Variants in TBX5 observed in about 807,000 individuals in gnomAD.
TBX5 encodes the protein T-box transcription factor TBX5.
Under a neutral mutation model 51.1 loss-of-function variants are expected in TBX5, and 8 were observed. The ratio of observed to expected loss-of-function variants is 0.16; its 90% CI spans 0.09 to 0.28. The LOEUF (loss-of-function observed/expected upper bound fraction) is 0.28. Among genes scored for constraint, TBX5 ranks in the 10% least tolerant of loss-of-function variants. The pLI is 1.00. For synonymous variants in TBX5, 302 were observed against 266.4 expected (o/e 1.13, Z -1.30); for missense variants, 589 against 671.7 (o/e 0.88, Z 1.36).
At chr12:114,382,707 G>T (rs1870570814) in intron 7 of TBX5, among the ~76,000 whole-genome samples, 1 of 152,090 alleles carries the variant, frequency 6.6e-6, no homozygotes, top group Non-Finnish European at 1.5e-5. Flanking sequence ...TGAGGGAGGA[G>T]ACTCTCTTGA....
intron 7 of TBX5, 71 bp from the exon 8 acceptor site, chr12:114,366,462 GTGTGAGAGAATCCACCAGA>G (rs1163374641): frequency 6.7e-7 from 1 of 1,484,934 alleles, no homozygotes; most frequent in African/African-American, 1.4e-5. Flanking sequence ...GCTGAACCAG[GTGTGAGAGAATCCACCAGA>G]AAAGTCACAG....
At chr12:114,382,937 A>G (rs2136394535) in intron 7 of TBX5, among the ~76,000 whole-genome samples, 1 of 149,774 alleles carries the variant, frequency 6.7e-6, no homozygotes, top group East Asian at 2.0e-4. Context: ...AGATCGTGCC[A>G]CTGCACTCCA....
chr12:114,363,321 T>C (rs1417688668), intron 8 of TBX5, among the ~76,000 whole-genome samples: 22 of 152,252 alleles, frequency 1.4e-4, no homozygotes, highest in Non-Finnish European at 1.0e-4. Context: ...TTTAAGCTCA[T>C]CCAAGGATCC....
At chr12:114,368,579 C>T (rs769107726) in intron 7 of TBX5, among the ~76,000 whole-genome samples, 8 of 152,194 alleles carry the variant, frequency 5.3e-5, no homozygotes, top group Non-Finnish European at 1.2e-4. Flanking sequence ...GAAAGAGACA[C>T]AACTAGAATT....
chr12:114,399,637 G>C lies in TBX5; in HGVS notation c.243-5C>G. On this transcript the variant is annotated splice_polypyrimidine_tract_variant and splice_region_variant and intron_variant, in intron 3 of 8. Coordinates refer to ENST00000405440, the MANE Select transcript of TBX5 (RefSeq NM_181486.4). Reference sequence around the variant, plus strand: ...TTGTAACTGGGAAACATCCGCCTAAGAGAGAGGGACGGAGGGAGAGAGGGG... The same window carrying C: ...TTGTAACTGGGAAACATCCGCCTAACAGAGAGGGACGGAGGGAGAGAGGGG... The C allele has an allele frequency of 2.5e-6, 4 of 1,614,154 alleles. No individual in the cohort carries two copies. Among genetic ancestry groups the C allele is most frequent in the Non-Finnish European group, 3.4e-6 (4 of 1,180,038 alleles).
intron 8 of TBX5, among the ~76,000 whole-genome samples, chr12:114,360,310 T>C (rs987273453): frequency 1.4e-5 from 2 of 138,642 alleles, no homozygotes; most frequent in African/African-American, 5.4e-5. Flanking sequence ...CATGAAAAGG[T>C]AGCAAACCTT....
At chr12:114,382,117 C>A (rs1436950672) in intron 7 of TBX5, among the ~76,000 whole-genome samples, 1 of 152,178 alleles carries the variant, frequency 6.6e-6, no homozygotes, top group East Asian at 1.9e-4. Context: ...AGTTGTGTGA[C>A]CAGCCTGGGC....
At chr12:114,371,406 A>T (rs911303491) in intron 7 of TBX5, among the ~76,000 whole-genome samples, 1 of 151,978 alleles carries the variant, frequency 6.6e-6, no homozygotes, top group Non-Finnish European at 1.5e-5. Flanking sequence ...GAATGACGCC[A>T]TTGTCGCTGG....
intron 7 of TBX5, among the ~76,000 whole-genome samples, chr12:114,371,233 T>C (rs1230366871): frequency 6.6e-6 from 1 of 152,152 alleles, no homozygotes; most frequent in Non-Finnish European, 1.5e-5. Context: ...CAGCTACACC[T>C]GCATCCCATG....
At chr12:114,406,598 C>T (rs534929587), upstream of TBX5, among the ~76,000 whole-genome samples, 11 of 152,214 alleles carry the variant, frequency 7.2e-5, no homozygotes, top group African/African-American at 2.6e-4. Flanking sequence ...CCCTACTCAT[C>T]ACCCCTACTC....
Position 114,405,757 on chromosome 12 carries a change from G to A in TBX5, c.-168C>T, listed in dbSNP as rs774605490. The A allele has an allele frequency of 1.5e-5, 15 of 985,356 alleles. No individual in the cohort carries two copies. The highest frequency in any genetic ancestry group is 3.5e-5 in the African/African-American group (2 of 57,238). The allele number at this position is 985,356 out of a possible 1,614,324, so 61.0% of individuals were successfully genotyped here. On this transcript the variant is annotated 5_prime_UTR_variant, in exon 1 of 9. Coordinates refer to ENST00000405440, the MANE Select transcript of TBX5 (RefSeq NM_181486.4). ...GGGTTTACTGCTTACCCAGAATAGC[G>A]GCTACTGCTGCCTACTAGGGCGCAC...
intron 6 of TBX5, among the ~76,000 whole-genome samples, chr12:114,388,088 A>G (rs1870924942): frequency 6.6e-6 from 1 of 152,180 alleles, no homozygotes; most frequent in Non-Finnish European, 1.5e-5. Context: ...AGCTCAAGCA[A>G]TCCTCCTGCC....
In TBX5 at chr12:114,355,078, A is replaced by C. The variant is rs1268823626; in HGVS notation, c.*454T>G. ...CCAAATAAGGGACTGGGTCCCATTAAGAAAATTGAAAGAAAAAAATATATT... is the reference window on the plus strand; with the variant it reads ...CCAAATAAGGGACTGGGTCCCATTACGAAAATTGAAAGAAAAAAATATATT... On this transcript the variant is annotated 3_prime_UTR_variant, in exon 9 of 9. Transcript: ENST00000405440. 3.8e-5 allele frequency: 7 copies of C among 182,638 alleles called. No individual in the cohort carries two copies. In the East Asian group the frequency reaches 1.0e-3, roughly 26 times the overall value. 11.3% of individuals were successfully genotyped at this position (182,638 alleles called of 1,614,324 possible). A position where few individuals can be genotyped will look rare whatever the true frequency, so the allele number is the denominator to read the frequency against.
intron 7 of TBX5, among the ~76,000 whole-genome samples, chr12:114,378,802 A>G (rs1268255301): frequency 6.6e-6 from 1 of 152,012 alleles, no homozygotes; most frequent in Non-Finnish European, 1.5e-5. Context: ...ACACCCAGCT[A>G]ATTTTTTGTA....
At chr12:114,408,256 A>T (rs575879858), upstream of TBX5, 15 of 972,600 alleles carry the variant, frequency 1.5e-5, no homozygotes, top group Non-Finnish European at 1.8e-5. Context: ...AAAGACATAA[A>T]CCAACCCGGC....
intron 7 of TBX5, among the ~76,000 whole-genome samples, chr12:114,383,576 T>C (rs1273316888): frequency 6.6e-6 from 1 of 152,118 alleles, no homozygotes; most frequent in Admixed American, 6.5e-5. Context: ...CAAAGATCTC[T>C]TTGGTGGCTG....
intron 7 of TBX5, among the ~76,000 whole-genome samples, chr12:114,369,038 A>G (rs1869712642): frequency 1.3e-5 from 2 of 152,336 alleles, no homozygotes; most frequent in South Asian, 4.1e-4. Flanking sequence ...AAGAAAAATT[A>G]TAATAACAAT....
intron 5 of TBX5, 63 bp downstream of exon 5, chr12:114,398,510 G>C: frequency 6.3e-7 from 1 of 1,580,624 alleles, no homozygotes. Flanking sequence ...GAGAAACCCA[G>C]TGAGAAGAAG....
At chr12:114,408,047 G>A, upstream of TBX5, 1 of 985,452 alleles carries the variant, frequency 1.0e-6, no homozygotes, top group Non-Finnish European at 1.2e-6. Flanking sequence ...AAAATAAAGA[G>A]GCAACCAGGC....
Sources: allele counts gnomAD v4.1 joint callset (sites outside exome capture counted in the v4.1 genomes callset), GRCh38; gene constraint gnomAD v4.1.1; transcripts MANE v1.5; gene names NCBI Gene and HGNC (gene_info 2026-07-23, HGNC 2026-07-21).